TTC28: variants seen among roughly 807,000 people sequenced by gnomAD.
TTC28 encodes the protein tetratricopeptide repeat domain 28.
In TTC28, 61 loss-of-function variants were observed where a neutral mutation model predicts 198.0. That is an observed-to-expected ratio of 0.31 (90% confidence interval 0.25 to 0.38). TTC28 has a LOEUF of 0.38. TTC28 is among the 10% of genes least tolerant of loss of function. TTC28 has a pLI of 1.00. For missense variants in TTC28, 2,678 were observed against 3,164.0 expected, an observed-to-expected ratio of 0.85 and a Z score of 3.69; for synonymous variants, 1,171 against 1,297.8, an observed-to-expected ratio of 0.90 and a Z score of 2.10.
intron 5 of TTC28, among the ~76,000 whole-genome samples, chr22:28,224,057 C>T (rs912787126): frequency 1.3e-5 from 2 of 152,148 alleles, no homozygotes; most frequent in East Asian, 3.9e-4. Flanking sequence ...TTAGTTGTCA[C>T]GACTTGTGGT....
At chr22:28,194,610 C>T (rs1002663215) in intron 5 of TTC28, among the ~76,000 whole-genome samples, 12 of 151,894 alleles carry the variant, frequency 7.9e-5, no homozygotes, top group African/African-American at 1.2e-4. Context: ...ATATCACCAC[C>T]GATCCCACAG....
intron 14 of TTC28, among the ~76,000 whole-genome samples, chr22:28,009,884 C>T (rs1938075522): frequency 6.6e-6 from 1 of 152,242 alleles, no homozygotes; most frequent in Non-Finnish European, 1.5e-5. Context: ...AGTGTTTTTA[C>T]TGATACACAA....
At chr22:28,200,469 G>A (rs1366092242) in intron 5 of TTC28, among the ~76,000 whole-genome samples, 2 of 151,932 alleles carry the variant, frequency 1.3e-5, no homozygotes, top group Non-Finnish European at 2.9e-5. Context: ...TAAAAAGAAT[G>A]GCCCCAAAAG....
At chr22:28,177,724 T>C (rs943387616) in intron 5 of TTC28, among the ~76,000 whole-genome samples, 3 of 152,208 alleles carry the variant, frequency 2.0e-5, no homozygotes, top group African/African-American at 4.8e-5. Context: ...AAATTTTAAA[T>C]GTATACTGCT....
chr22:28,107,156 T>C lies in TTC28; in HGVS notation c.2689A>G (p.Ile897Val). Residue 897 changes from isoleucine to valine, a missense_variant, in exon 7 of 23, where the codon ATC becomes GTC. By Grantham distance (29) the Ile-to-Val change is conservative. Around this residue, in one of 8 missense-constraint regions of TTC28, gnomAD observed 775 missense variants for 845.9 expected, o/e 0.92. Coordinates refer to ENST00000397906, the MANE Select transcript of TTC28 (RefSeq NM_001145418.2). Reference protein sequence around the residue: ...YEALGDYEEAIKYYEQYLSVA... With the variant: ...YEALGDYEEAVKYYEQYLSVA... ...GATAAATATTGTTCATAGTATTTGA[T>C]AGCTTCCTCATAGTCACCCAGGGCT... 6.4e-7 allele frequency: 1 copy of C among 1,551,744 alleles called. No individual in the cohort carries two copies. Among genetic ancestry groups the C allele is most frequent in the South Asian group, 1.2e-5 (1 of 84,062 alleles).
chr22:28,158,641 T>C (rs1358178257), intron 6 of TTC28, among the ~76,000 whole-genome samples: 1 of 152,060 alleles, frequency 6.6e-6, no homozygotes, highest in African/African-American at 2.4e-5. Context: ...TTGACAAAGG[T>C]GCCAAGAACA....
At chr22:27,989,595 C>T (rs1209888873) in intron 21 of TTC28, among the ~76,000 whole-genome samples, 2 of 152,242 alleles carry the variant, frequency 1.3e-5, no homozygotes, top group Middle Eastern at 6.8e-3. Context: ...TACAGGCATG[C>T]ACCACCATGC....
chr22:28,306,462 T>C, intron 3 of TTC28, 34 bp downstream of exon 3: 1 of 1,533,832 alleles, frequency 6.5e-7, no homozygotes, highest in Non-Finnish European at 8.8e-7. Flanking sequence ...CTTCTTTAAA[T>C]TAATGTTATA....
In TTC28 at chr22:27,982,516, G is replaced by A. The variant is rs867852342; in HGVS notation, c.7151C>T (p.Thr2384Met). 1.1e-5 allele frequency: 17 copies of A among 1,551,544 alleles called. No individual in the cohort carries two copies. Among genetic ancestry groups the A allele is most frequent in the African/African-American group, 9.6e-5 (7 of 73,028 alleles). The change falls in exon 23 of 23, where the codon ACG (threonine) becomes ATG (methionine). Residue 2384 changes from threonine to methionine, a missense_variant. Physicochemically the swap from Thr to Met is moderately conservative, Grantham distance 81. Transcript: ENST00000397906. This position sits in a 1 kb window ranked among gnomAD's most constrained non-coding sequence, Gnocchi z 5.2. ...PMKIFRGAPG[T>M]MTSKRDVLSL... ...GAGGACATCCCTTTTGGAAGTCATC[G>A]TGCCAGGAGCCCCCCGGAAGATCTT... is the stretch of plus-strand genomic sequence containing the variant.
intron 6 of TTC28, among the ~76,000 whole-genome samples, chr22:28,151,079 T>C (rs966383240): frequency 1.3e-5 from 2 of 152,216 alleles, no homozygotes; most frequent in Admixed American, 6.5e-5. Context: ...TTCAGCCTCA[T>C]ATGTTCATAA....
intron 5 of TTC28, among the ~76,000 whole-genome samples, chr22:28,226,691 G>C (rs1002072632): frequency 7.2e-5 from 11 of 152,194 alleles, no homozygotes; most frequent in African/African-American, 2.4e-4. Context: ...GCCTCCCAAA[G>C]TGTTGGGATT....
intron 13 of TTC28, among the ~76,000 whole-genome samples, chr22:28,020,457 C>G (rs144176997): frequency 8.5e-5 from 13 of 152,300 alleles, no homozygotes; most frequent in African/African-American, 2.9e-4. Flanking sequence ...AGAGGGTCTG[C>G]GAAGAGCAGC....
chr22:28,522,683 A>G (rs537253700), intron 2 of TTC28, among the ~76,000 whole-genome samples: 51 of 152,322 alleles, frequency 3.3e-4, no homozygotes, highest in Non-Finnish European at 5.0e-4. Context: ...CACAGCAAGA[A>G]TAAAATACTA....
At chr22:28,118,559 T>G (rs12484116) in intron 6 of TTC28, among the ~76,000 whole-genome samples, 3,320 of 152,290 alleles carry the variant, frequency 0.022, 248 homozygotes, top group East Asian at 0.15. Context: ...TGTTAAACAT[T>G]TCAGTACAGT....
At position 27,979,740 on chromosome 22, in the gene TTC28, TG is replaced by T. The variant is rs1401044975; in HGVS notation, c.*2480del. On this transcript the variant is annotated 3_prime_UTR_variant, in exon 23 of 23. Coordinates refer to ENST00000397906, the MANE Select transcript of TTC28 (RefSeq NM_001145418.2). ...TTCCAGTGTAGCCTGAAACATTCAC[TG>T]TGATTTTATGATTTTACATCCATTT... The T allele has an allele frequency of 2.0e-5, 3 of 152,248 alleles. No homozygotes were observed. The highest frequency in any genetic ancestry group is 4.4e-5 in the Non-Finnish European group (3 of 68,044). The allele number at this position is 152,248 out of a possible 1,614,324, so 9.4% of individuals were successfully genotyped here. A position where few individuals can be genotyped will look rare whatever the true frequency, so the allele number is the denominator to read the frequency against.
chr22:28,588,149 AAAAC>A (rs1555897830), intron 2 of TTC28, among the ~76,000 whole-genome samples: 2,047 of 151,500 alleles, frequency 0.014, 37 homozygotes, highest in African/African-American at 0.046. Context: ...CTCAAAAAAA[AAAAC>A]AAACAAACAA....
chr22:28,036,251 T>G (rs961445622), intron 12 of TTC28, among the ~76,000 whole-genome samples: 2 of 152,138 alleles, frequency 1.3e-5, no homozygotes, highest in Admixed American at 1.3e-4. Flanking sequence ...TAAAATTGAT[T>G]TACTACAAAA....
intron 2 of TTC28, among the ~76,000 whole-genome samples, chr22:28,540,090 C>A (rs968309664): frequency 6.6e-6 from 1 of 151,844 alleles, no homozygotes; most frequent in Admixed American, 6.6e-5. Flanking sequence ...ACTAAAGGCA[C>A]CCGCCACCAC....
At chr22:28,063,300 GA>G in intron 12 of TTC28, among the ~76,000 whole-genome samples, 1 of 152,264 alleles carries the variant, frequency 6.6e-6, no homozygotes, top group Middle Eastern at 3.4e-3. Flanking sequence ...TGGTTGTCCT[GA>G]ATGCTGTCAT....
Sources: gnomAD v4.1 joint callset for allele counts (sites outside exome capture counted in the v4.1 genomes callset) on GRCh38, gnomAD v4.1.1 for gene constraint, gnomAD v4.1.1 regional missense constraint, Gnocchi (gnomAD v3.1) non-coding constraint, MANE v1.5 for transcripts, NCBI Gene and HGNC (gene_info 2026-07-23, HGNC 2026-07-21) for gene names.